LRP1B: variants seen among roughly 807,000 people sequenced by gnomAD.
LRP1B encodes the protein LDL receptor related protein 1B, also known as low-density lipoprotein receptor-related protein 1B.
Under a neutral mutation model 556.6 loss-of-function variants are expected in LRP1B, and 217 were observed. The ratio of observed to expected loss-of-function variants is 0.39; its 90% CI spans 0.35 to 0.44. LRP1B has a LOEUF of 0.44. Among genes scored for constraint, LRP1B ranks in the 20% least tolerant of loss-of-function variants. The pLI is 1.00. For synonymous variants in LRP1B, 2,047 were observed against 1,865.8 expected (o/e 1.10, Z -2.50); for missense variants, 5,053 against 5,620.8 (o/e 0.90, Z 3.23).
At chr2:140,634,064 A>T (rs1683988569) in intron 41 of LRP1B, among the ~76,000 whole-genome samples, 1 of 152,198 alleles carries the variant, frequency 6.6e-6, no homozygotes, top group Non-Finnish European at 1.5e-5. Flanking sequence ...AATATTAGCA[A>T]ATCAAATGTA....
At chr2:140,510,171 C>G in intron 51 of LRP1B, 115 bp from the exon 52 acceptor site, 2 of 1,139,062 alleles carry the variant, frequency 1.8e-6, no homozygotes, top group Middle Eastern at 3.0e-4. Flanking sequence ...TATAAGGAGG[C>G]GATTGTAGTT....
At chr2:141,122,119 TA>T (rs1362502840) in intron 7 of LRP1B, among the ~76,000 whole-genome samples, 1 of 152,134 alleles carries the variant, frequency 6.6e-6, no homozygotes, top group Admixed American at 6.6e-5. Context: ...ATTAAAGACT[TA>T]AATGTTAGAC....
intron 2 of LRP1B, among the ~76,000 whole-genome samples, chr2:141,650,928 A>T (rs1689764198): frequency 6.6e-6 from 1 of 152,136 alleles, no homozygotes; most frequent in South Asian, 2.1e-4. Flanking sequence ...TTCCAACTAC[A>T]CGGATGTCTA....
At chr2:141,191,844 C>G (rs1467234622) in intron 6 of LRP1B, among the ~76,000 whole-genome samples, 4 of 151,848 alleles carry the variant, frequency 2.6e-5, no homozygotes, top group Non-Finnish European at 4.4e-5. Context: ...TTTCAAATAT[C>G]TTGGGTTCAG....
At chr2:141,977,427 C>G (rs1028037416) in intron 1 of LRP1B, among the ~76,000 whole-genome samples, 1 of 151,906 alleles carries the variant, frequency 6.6e-6, no homozygotes, top group African/African-American at 2.4e-5. Context: ...CAAAAATTAT[C>G]CAGGAATGCT....
chr2:140,583,301 A>G (rs1394421244), intron 43 of LRP1B, among the ~76,000 whole-genome samples: 1 of 150,622 alleles, frequency 6.6e-6, no homozygotes, highest in African/African-American at 2.4e-5. Context: ...CGGCCACCCA[A>G]ATAGCTGGGA....
intron 1 of LRP1B, among the ~76,000 whole-genome samples, chr2:141,960,091 T>C (rs1423002399): frequency 1.3e-5 from 2 of 151,882 alleles, no homozygotes; most frequent in Non-Finnish European, 2.9e-5. Flanking sequence ...GGACATAGAA[T>C]GTGTTGTAGG....
intron 2 of LRP1B, among the ~76,000 whole-genome samples, chr2:141,647,495 G>A (rs142841565): frequency 1.3e-5 from 2 of 152,252 alleles, no homozygotes; most frequent in South Asian, 2.1e-4. Flanking sequence ...AACTTCAGAC[G>A]ATTTTCACAA....
chr2:141,064,315 G>T (rs1350363250), intron 7 of LRP1B, among the ~76,000 whole-genome samples: 1 of 151,914 alleles, frequency 6.6e-6, no homozygotes, highest in Non-Finnish European at 1.5e-5. Context: ...TTGTGTTTGG[G>T]AAGTTTAGTT....
At chr2:140,849,200 C>CAAAAAAAAAAAA (rs70988447) in intron 29 of LRP1B, among the ~76,000 whole-genome samples, 19 of 100,514 alleles carry the variant, frequency 1.9e-4, no homozygotes, top group East Asian at 8.4e-4. Flanking sequence ...ACTAAAAATA[C>CAAAAAAAAAAAA]AAAAAAAAAA....
chr2:141,062,216 A>G lies in LRP1B; in HGVS notation c.1071T>C (p.Asp357=), dbSNP rs942705169. The G allele has an allele frequency of 6.2e-7, 1 of 1,611,666 alleles. No individual in the cohort carries two copies. Residue 357 remains aspartate (D), a synonymous_variant, in exon 8 of 91, where the codon GAT becomes GAC. Transcript: ENST00000389484. ...NVAKVERCDM[D]GMNRTRIIDS... ...CAATTATCCTTGTTCGGTTCATCCC[A>G]TCCATGTCACATCTCTCCACTTTGG...
intron 7 of LRP1B, among the ~76,000 whole-genome samples, chr2:141,165,742 T>C (rs1348917543): frequency 2.0e-5 from 3 of 152,070 alleles, no homozygotes; most frequent in Non-Finnish European, 4.4e-5. Context: ...ATTTTTAGTG[T>C]ATGAATATGT....
chr2:140,452,069 G>T (rs1049210456), intron 62 of LRP1B, among the ~76,000 whole-genome samples: 3 of 152,016 alleles, frequency 2.0e-5, no homozygotes, highest in Middle Eastern at 3.2e-3. Flanking sequence ...TTACTTACAG[G>T]CTATTTAGCA....
At chr2:141,175,415 A>AT (rs1304261172) in intron 7 of LRP1B, among the ~76,000 whole-genome samples, 1 of 152,144 alleles carries the variant, frequency 6.6e-6, no homozygotes, top group Non-Finnish European at 1.5e-5. Context: ...GATGACCTGC[A>AT]TAGCAGCTGC....
chr2:141,352,667 T>C (rs1235668706), intron 3 of LRP1B, among the ~76,000 whole-genome samples: 1 of 151,966 alleles, frequency 6.6e-6, no homozygotes, highest in African/African-American at 2.4e-5. Flanking sequence ...ACTATTGAGT[T>C]GGAATATATT....
Position 141,822,130 on chromosome 2 carries a change from C to CACAGAGAGAGAGAGAGAGAG in LRP1B, c.83-11730_83-11729insCTCTCTCTCTCTCTCTCTGT, listed in dbSNP as rs374369026. Among the ~76,000 whole-genome samples, 45 of 95,890 alleles carry CACAGAGAGAGAGAGAGAGAG rather than the reference C, an allele frequency of 4.7e-4. 1 individual carries two copies. The highest frequency in any genetic ancestry group is 1.7e-3 in the African/African-American group (38 of 22,420). 62.9% of individuals were successfully genotyped at this position (95,890 alleles called of 152,430 possible). On this transcript the variant is annotated intron_variant, in intron 1 of 90. Coordinates refer to ENST00000389484, the MANE Select transcript of LRP1B (RefSeq NM_018557.3). ...ACACACACACACACACACACACACA[C>CACAGAGAGAGAGAGAGAGAG]AGAGAGAGAGAGAGAGAGAGAGAGA...
At chr2:140,903,247 A>G (rs1333729868) in intron 22 of LRP1B, 82 bp from the exon 23 acceptor site, 1 of 1,484,328 alleles carries the variant, frequency 6.7e-7, no homozygotes, top group African/African-American at 1.4e-5. Context: ...CAATTCTCTA[A>G]GCCTACAATT....
chr2:141,464,606 A>AT lies in LRP1B; in HGVS notation c.343+15789dup, dbSNP rs71391651. ...TTTGTATATATATATATATATATAT[A>AT]TTTTTTTAGTAGAGATGGGGTTTCA... On this transcript the variant is annotated intron_variant, in intron 3 of 90. Coordinates refer to ENST00000389484, the MANE Select transcript of LRP1B (RefSeq NM_018557.3). Among the ~76,000 whole-genome samples, 644 of 90,550 alleles carry AT rather than the reference A, an allele frequency of 7.1e-3. 68 individuals are homozygous for AT. The highest frequency in any genetic ancestry group is 0.027 in the African/African-American group (625 of 23,382). 59.4% of individuals were successfully genotyped at this position (90,550 alleles called of 152,430 possible). A position where few individuals can be genotyped will look rare whatever the true frequency, so the allele number is the denominator to read the frequency against.
intron 83 of LRP1B, among the ~76,000 whole-genome samples, chr2:140,303,043 A>ATG (rs1317839591): frequency 1.4e-5 from 2 of 142,106 alleles, no homozygotes; most frequent in East Asian, 4.1e-4. Flanking sequence ...ATATATATAT[A>ATG]TATATATATG....
Sources: gnomAD v4.1 joint callset for allele counts (sites outside exome capture counted in the v4.1 genomes callset) on GRCh38, gnomAD v4.1.1 for gene constraint, MANE v1.5 for transcripts, NCBI Gene and HGNC (gene_info 2026-07-23, HGNC 2026-07-21) for gene names.